The following CIRSR variants were observed in gnomAD, a reference collection of about 807,000 sequenced individuals.
CIRSR encodes the protein CBF1 (RBPJ) interacting corepressor 1.
the CIRSR span, chr2:174,369,866 T>C: frequency 8.7e-7 from 1 of 1,155,526 alleles, no homozygotes; most frequent in East Asian, 5.8e-5. Flanking sequence ...CAGATCACCA[T>C]AATGATATAA....
the CIRSR span, among the ~76,000 whole-genome samples, chr2:174,386,222 GCC>G: frequency 2.6e-5 from 4 of 151,994 alleles, no homozygotes; most frequent in Admixed American, 6.6e-5. Flanking sequence ...GCTCTTGTTG[GCC>G]ACGCTGGAGT....
the CIRSR span, among the ~76,000 whole-genome samples, chr2:174,376,688 C>A: frequency 6.6e-6 from 1 of 151,570 alleles, no homozygotes; most frequent in African/African-American, 2.4e-5. Flanking sequence ...GTCCCAGCTA[C>A]TCGGGAGGCT....
chr2:174,354,395 ATATATTT>A, the CIRSR span, among the ~76,000 whole-genome samples: 10 of 106,194 alleles, frequency 9.4e-5, no homozygotes, highest in East Asian at 2.3e-3. Context: ...ATATGTACAT[ATATATTT>A]TATATATTAT....
At chr2:174,395,541 G>C in the CIRSR span, 5 of 1,613,860 alleles carry the variant, frequency 3.1e-6, no homozygotes, top group Middle Eastern at 1.7e-4. Flanking sequence ...CCCCGGGTCT[G>C]TTTACTCACT....
At chr2:174,384,305 C>T in the CIRSR span, among the ~76,000 whole-genome samples, 2 of 152,138 alleles carry the variant, frequency 1.3e-5, no homozygotes, top group African/African-American at 4.8e-5. Context: ...TTATATGAGG[C>T]ATTTAGAATA....
chr2:174,375,337 G>T, the CIRSR span, among the ~76,000 whole-genome samples: 1 of 152,190 alleles, frequency 6.6e-6, no homozygotes, highest in Non-Finnish European at 1.5e-5. Context: ...GCTGGGCACG[G>T]TATATCACAC....
chr2:174,371,089 T>A, the CIRSR span, among the ~76,000 whole-genome samples: 1 of 152,022 alleles, frequency 6.6e-6, no homozygotes, highest in Non-Finnish European at 1.5e-5. Flanking sequence ...AGTAGGCAAA[T>A]CTATAGAGAC....
At chr2:174,360,281 GT>G in the CIRSR span, among the ~76,000 whole-genome samples, 1 of 152,178 alleles carries the variant, frequency 6.6e-6, no homozygotes, top group Non-Finnish European at 1.5e-5. Context: ...GAGAGAGCTT[GT>G]TTTTTGCCTT....
the CIRSR span, among the ~76,000 whole-genome samples, chr2:174,383,549 G>A: frequency 1.8e-3 from 272 of 151,424 alleles, no homozygotes; most frequent in Middle Eastern, 6.8e-3. Context: ...GTGAAACTCC[G>A]TCTCTACTAA....
the CIRSR span, chr2:174,395,650 G>C: frequency 6.2e-7 from 1 of 1,614,124 alleles, no homozygotes; most frequent in Non-Finnish European, 8.5e-7. Flanking sequence ...GGAAAGCAGG[G>C]GCTAGATCTG....
the CIRSR span, among the ~76,000 whole-genome samples, chr2:174,371,292 G>C: frequency 2.0e-5 from 3 of 152,156 alleles, no homozygotes; most frequent in Admixed American, 6.5e-5. Context: ...GTTCACGAAA[G>C]TTGTTAAAAG....
the CIRSR span, among the ~76,000 whole-genome samples, chr2:174,362,942 T>A: frequency 2.6e-5 from 4 of 152,082 alleles, no homozygotes; most frequent in Non-Finnish European, 5.9e-5. Context: ...CCCCCTTTCA[T>A]GAGTTTTATT....
chr2:174,389,305 T>C, the CIRSR span, among the ~76,000 whole-genome samples: 2 of 152,236 alleles, frequency 1.3e-5, no homozygotes, highest in East Asian at 1.9e-4. Flanking sequence ...AAAATGCTGA[T>C]AGTAATATGG....
chr2:174,378,825 A>C, the CIRSR span: 1 of 921,718 alleles, frequency 1.1e-6, no homozygotes, highest in South Asian at 1.3e-5. Context: ...CCCCACACAC[A>C]AACCCAAATA....
the CIRSR span, among the ~76,000 whole-genome samples, chr2:174,361,098 T>G: frequency 6.6e-6 from 1 of 152,104 alleles, no homozygotes; most frequent in Non-Finnish European, 1.5e-5. Flanking sequence ...TACGATCAAC[T>G]ATATATTATA....
chr2:174,391,300 T>C, the CIRSR span, among the ~76,000 whole-genome samples: 1 of 152,154 alleles, frequency 6.6e-6, no homozygotes, highest in Non-Finnish European at 1.5e-5. Context: ...CCCAGAGATA[T>C]AAAATAGAAC....
the CIRSR span, among the ~76,000 whole-genome samples, chr2:174,368,013 C>T: frequency 6.6e-6 from 1 of 152,080 alleles, no homozygotes; most frequent in African/African-American, 2.4e-5. Flanking sequence ...GGGTCAATTA[C>T]CCAGGAAGAC....
the CIRSR span, among the ~76,000 whole-genome samples, chr2:174,367,515 G>A: frequency 2.0e-5 from 3 of 152,172 alleles, no homozygotes; most frequent in Admixed American, 1.3e-4. Context: ...TGGAGGCGGA[G>A]GTTGCAGTAA....
At chr2:174,386,665 T>G in the CIRSR span, among the ~76,000 whole-genome samples, 1 of 152,114 alleles carries the variant, frequency 6.6e-6, no homozygotes, top group African/African-American at 2.4e-5. Context: ...ATTGCCACGT[T>G]CCCTGGGCAG....
Sources: gnomAD v4.1 joint callset for allele counts (sites outside exome capture counted in the v4.1 genomes callset) on GRCh38, gnomAD v4.1.1 for gene constraint, MANE v1.5 for transcripts, NCBI Gene and HGNC (gene_info 2026-07-23, HGNC 2026-07-21) for gene names.